Variants in DISC1 observed in about 807,000 individuals in gnomAD.
The protein encoded by DISC1 is disrupted in schizophrenia 1 protein.
Under a neutral mutation model 84.5 loss-of-function variants are expected in DISC1, and 57 were observed. The observed-to-expected ratio is 0.67, with a 90% CI of 0.55 to 0.84. The LOEUF is 0.84. Ranked by LOEUF, DISC1 falls within the 40% of genes least tolerant of loss-of-function variation. The pLI is 0.00. For missense variants in DISC1, 1,000 were observed against 1,057.8 expected, an observed-to-expected ratio of 0.95 and a Z score of 0.76; for synonymous variants, 411 against 415.2, an observed-to-expected ratio of 0.99 and a Z score of 0.12.
At position 231,923,306 on chromosome 1, in the gene DISC1, C is replaced by CAAAAAAAA. The variant is rs1558738260; in HGVS notation, c.1982-35522_1982-35521insAAAAAAAA. ...TGTCTCAAAAACAAAACAAAAAAAA[C>CAAAAAAAA]CAAAAAAAAAAACAAAAAGAAAAAG... On this transcript the variant is annotated intron_variant, in intron 9 of 12. Transcript: ENST00000439617. Among the ~76,000 whole-genome samples, 13 of 109,410 alleles carry CAAAAAAAA rather than the reference C, an allele frequency of 1.2e-4. 1 individual carries two copies. The highest frequency in any genetic ancestry group is 2.8e-4 in the Admixed American group (3 of 10,694). 71.8% of individuals were successfully genotyped at this position (109,410 alleles called of 152,430 possible). A position where few individuals can be genotyped will look rare whatever the true frequency, so the allele number is the denominator to read the frequency against.
intron 3 of DISC1, among the ~76,000 whole-genome samples, chr1:231,745,799 T>C (rs2073914072): frequency 6.6e-6 from 1 of 152,152 alleles, no homozygotes; most frequent in South Asian, 2.1e-4. Context: ...TCAAATTTCA[T>C]GTTGAAATGT....
chr1:231,765,718 G>C (rs2076122816), intron 4 of DISC1, among the ~76,000 whole-genome samples: 1 of 152,154 alleles, frequency 6.6e-6, no homozygotes, highest in South Asian at 2.1e-4. Flanking sequence ...GCCCAAACCT[G>C]TGCCACATTT....
intron 9 of DISC1, among the ~76,000 whole-genome samples, chr1:231,881,269 G>A (rs374223484): frequency 6.2e-4 from 95 of 152,244 alleles, no homozygotes; most frequent in African/African-American, 2.2e-3. Context: ...AAACCGGGTG[G>A]CTTAAAGAAC....
At chr1:231,933,814 GT>G (rs2090816158) in intron 9 of DISC1, among the ~76,000 whole-genome samples, 1 of 152,196 alleles carries the variant, frequency 6.6e-6, no homozygotes, top group Admixed American at 6.5e-5. Flanking sequence ...AAATGGAGCA[GT>G]TCCCTCATTG....
At chr1:231,866,653 T>C in intron 9 of DISC1, 1 of 1,548,228 alleles carries the variant, frequency 6.5e-7, no homozygotes, top group South Asian at 1.3e-5. Context: ...TCAACTACTA[T>C]TAATTGAAAG....
rs566744766 is a variant in DISC1 at position 231,859,298 on chromosome 1, A to G, written c.1981+40781A>G. On this transcript the variant is annotated intron_variant, in intron 9 of 12. Coordinates refer to ENST00000439617, the MANE Select transcript of DISC1 (RefSeq NM_018662.3). The stretch of plus-strand genomic sequence containing the variant: ...ATTTGGGCTGCTGTAACAAAGTACC[A>G]TAGACTGAGTGGCTCATAAATAACA... Among the ~76,000 whole-genome samples, 9 of 152,326 alleles carry G rather than the reference A, an allele frequency of 5.9e-5. No individual in the cohort carries two copies. In the East Asian group the frequency reaches 1.3e-3, roughly 23 times the overall value.
chr1:231,750,304 A>AC (rs1408712406), intron 4 of DISC1: 9 of 1,349,820 alleles, frequency 6.7e-6, no homozygotes, highest in Middle Eastern at 2.8e-4. Context: ...CAGAGAGAGA[A>AC]CCTTCTCAAG....
chr1:231,823,698 A>C (rs1164316488), intron 9 of DISC1, among the ~76,000 whole-genome samples: 1 of 152,174 alleles, frequency 6.6e-6, no homozygotes, highest in Non-Finnish European at 1.5e-5. Context: ...TTATATAGGT[A>C]AATTGCATGT....
chr1:231,745,501 T>C (rs1368026351), intron 3 of DISC1: 1 of 229,842 alleles, frequency 4.4e-6, no homozygotes, highest in South Asian at 4.4e-5. Flanking sequence ...GGATTACAGG[T>C]ATGAGCCACC....
rs2066874539 is a variant in DISC1 at position 231,704,929 on chromosome 1, G to A, written c.1117+2905G>A. 2.0e-5 allele frequency among the ~76,000 whole-genome samples: 3 copies of A among 152,084 alleles called. No homozygotes were observed. In the South Asian group the frequency reaches 6.2e-4, roughly 31 times the overall value. On this transcript the variant is annotated intron_variant, in intron 3 of 12. Transcript: ENST00000439617. Reference sequence around the variant, plus strand: ...AAATCACAACAACGCCGTGTTTAAGGCATGCTGAATGCCGTCCTCAAGATC... The same window carrying A: ...AAATCACAACAACGCCGTGTTTAAGACATGCTGAATGCCGTCCTCAAGATC...
chr1:231,650,272 T>A (rs1369504373), intron 1 of DISC1, among the ~76,000 whole-genome samples: 1 of 152,200 alleles, frequency 6.6e-6, no homozygotes, highest in Non-Finnish European at 1.5e-5. Context: ...TAACAAAATC[T>A]CTGAGCATTT....
intron 10 of DISC1, among the ~76,000 whole-genome samples, chr1:231,969,185 G>A (rs1661548092): frequency 4.5e-5 from 5 of 110,054 alleles, no homozygotes; most frequent in South Asian, 6.3e-4. Flanking sequence ...AACACTCAGC[G>A]GTTTTTTTTT....
intron 9 of DISC1, among the ~76,000 whole-genome samples, chr1:231,914,228 A>G (rs1044453288): frequency 3.9e-5 from 6 of 152,226 alleles, no homozygotes; most frequent in Admixed American, 2.0e-4. Flanking sequence ...TAGGAGATGA[A>G]TGTATTTCTC....
intron 9 of DISC1, among the ~76,000 whole-genome samples, chr1:231,931,582 C>T (rs1009250171): frequency 2.0e-5 from 3 of 151,770 alleles, no homozygotes; most frequent in Admixed American, 6.6e-5. Context: ...GCTGTTCTGA[C>T]ACATGATGAC....
chr1:231,828,304 T>A (rs2082000760), intron 9 of DISC1, among the ~76,000 whole-genome samples: 2 of 152,334 alleles, frequency 1.3e-5, no homozygotes, highest in South Asian at 4.1e-4. Context: ...CTTTGCTTCG[T>A]ATGTACCAAT....
intron 1 of DISC1, among the ~76,000 whole-genome samples, chr1:231,648,490 G>T (rs915099960): frequency 6.6e-6 from 1 of 152,250 alleles, no homozygotes; most frequent in Non-Finnish European, 1.5e-5. Context: ...TTGCATCGAC[G>T]TTCATCAGGG....
At chr1:231,912,045 A>G (rs1389587007) in intron 9 of DISC1, among the ~76,000 whole-genome samples, 5 of 152,094 alleles carry the variant, frequency 3.3e-5, no homozygotes, top group Non-Finnish European at 5.9e-5. Flanking sequence ...GGTCTTTTCT[A>G]TGCTGTTTAT....
intron 9 of DISC1, among the ~76,000 whole-genome samples, chr1:231,905,423 A>T (rs2088556143): frequency 6.6e-6 from 1 of 151,808 alleles, no homozygotes. Context: ...GTTCGAAACC[A>T]GCCTGGGCAA....
At chr1:231,749,593 G>T (rs1289615730) in intron 3 of DISC1, among the ~76,000 whole-genome samples, 8 of 152,018 alleles carry the variant, frequency 5.3e-5, no homozygotes, top group African/African-American at 1.7e-4. Context: ...CAAAATTATA[G>T]TTTTTTTCCC....
Sources: gnomAD v4.1 joint callset for allele counts (sites outside exome capture counted in the v4.1 genomes callset) on GRCh38, gnomAD v4.1.1 for gene constraint, MANE v1.5 for transcripts, NCBI Gene and HGNC (gene_info 2026-07-23, HGNC 2026-07-21) for gene names.